HEATR5A: variants seen among roughly 807,000 people sequenced by gnomAD.
HEATR5A encodes HEAT repeat containing 5A.
In HEATR5A, 178 loss-of-function variants were observed where a neutral mutation model predicts 218.8. That is an observed-to-expected ratio of 0.81 (90% CI 0.72 to 0.92). The LOEUF (loss-of-function observed/expected upper bound fraction) is 0.92. HEATR5A is among the 40% of genes least tolerant of loss of function. The probability of loss-of-function intolerance (pLI) is 0.00; values close to 1 mark genes in which losing one functional copy is unlikely to be tolerated. For missense variants in HEATR5A, 2,420 were observed against 2,418.9 expected, an observed-to-expected ratio of 1.00 and a Z score of -0.01; for synonymous variants, 864 against 871.6, an observed-to-expected ratio of 0.99 and a Z score of 0.15.
intron 33 of HEATR5A, among the ~76,000 whole-genome samples, chr14:31,301,830 T>C (rs1378266867): frequency 2.1e-3 from 303 of 146,266 alleles, no homozygotes; most frequent in African/African-American, 7.5e-3. Context: ...TTTTTTTTTT[T>C]TTTTTGAGAC....
intron 30 of HEATR5A, 75 bp from the exon 31 acceptor site, chr14:31,306,954 T>G (rs1899573918): frequency 8.3e-7 from 1 of 1,204,458 alleles, no homozygotes; most frequent in Non-Finnish European, 1.1e-6. Context: ...CAATGCTAAA[T>G]GCCATGACAA....
At chr14:31,329,767 C>T (rs917742370) in intron 22 of HEATR5A, among the ~76,000 whole-genome samples, 1 of 152,180 alleles carries the variant, frequency 6.6e-6, no homozygotes, top group Non-Finnish European at 1.5e-5. Context: ...GTCTAGAGTG[C>T]AATGGCATGG....
At chr14:31,340,448 AC>A (rs1393959462) in intron 21 of HEATR5A, 1 of 1,288,814 alleles carries the variant, frequency 7.8e-7, no homozygotes, top group East Asian at 5.5e-5. Context: ...TCAGGGACCT[AC>A]CAACACAGAA....
At chr14:31,337,903 T>C (rs2139195187) in intron 21 of HEATR5A, among the ~76,000 whole-genome samples, 1 of 152,322 alleles carries the variant, frequency 6.6e-6, no homozygotes, top group South Asian at 2.1e-4. Context: ...GTAAATAGAC[T>C]TTTAAGAGAA....
Position 31,293,557 on chromosome 14 carries a change from T to A in HEATR5A, c.5889A>T (p.Glu1963Asp). The A allele has an allele frequency of 6.2e-7, 1 of 1,613,648 alleles. No individual in the cohort carries two copies. The highest frequency in any genetic ancestry group is 8.5e-7 in the Non-Finnish European group (1 of 1,179,810). Residue 1963 changes from glutamate to aspartate, a missense_variant, in exon 36 of 36, where the codon GAA (glutamate) becomes GAT (aspartate). By Grantham distance (45) the Glu-to-Asp change is conservative. Transcript: ENST00000543095. The stretch of plus-strand genomic sequence containing the variant: ...TGGAAGTTGCTGATCCCAGAGAATT[T>A]TCATCCAAAAGGAAGGAAATGAGGA... ...LPILISFLLD[E>D]NSLGSATSIM...
Position 31,315,872 on chromosome 14 carries a change from T to C in HEATR5A, c.4116A>G (p.Ser1372=), listed in dbSNP as rs1899896270. ...TTCCAGCCTGTATTTTAGTTAACGATGAAACAAGCAACTGATGAACTCTTC... is the reference window on the plus strand; with the variant it reads ...TTCCAGCCTGTATTTTAGTTAACGACGAAACAAGCAACTGATGAACTCTTC... ...DLRRVHQLLV[S]SLTKIQAGKE... The change falls in exon 27 of 36, where the codon TCA becomes TCG. Residue 1372 remains serine (S), a synonymous_variant. Transcript: ENST00000543095. The C allele has an allele frequency of 3.1e-6, 5 of 1,605,046 alleles. No homozygotes were observed. The highest frequency in any genetic ancestry group is 3.4e-6 in the Non-Finnish European group (4 of 1,175,336).
intron 18 of HEATR5A, among the ~76,000 whole-genome samples, chr14:31,349,191 C>G (rs187467710): frequency 6.6e-6 from 1 of 152,064 alleles, no homozygotes; most frequent in African/African-American, 2.4e-5. Context: ...AGTTCGAGAC[C>G]AGCCTGGCCA....
chr14:31,328,347 G>T (rs776179913), intron 22 of HEATR5A, among the ~76,000 whole-genome samples: 1 of 152,098 alleles, frequency 6.6e-6, no homozygotes, highest in African/African-American at 2.4e-5. Flanking sequence ...TCAGATTAGG[G>T]ATCTAACAAG....
intron 26 of HEATR5A, among the ~76,000 whole-genome samples, chr14:31,316,443 T>C (rs972126777): frequency 4.6e-5 from 7 of 152,116 alleles, no homozygotes; most frequent in Non-Finnish European, 8.8e-5. Context: ...CTGATAATGA[T>C]AGTCAAAAGT....
At chr14:31,392,373 T>C (rs78537906) in intron 6 of HEATR5A, among the ~76,000 whole-genome samples, 39 of 152,330 alleles carry the variant, frequency 2.6e-4, no homozygotes, top group Admixed American at 1.0e-3. Context: ...CTTTCTTTCC[T>C]GCCTTCTCAC....
chr14:31,407,610 A>ATT (rs2031126347), intron 1 of HEATR5A, among the ~76,000 whole-genome samples: 1 of 1,216 alleles, frequency 8.2e-4, no homozygotes, highest in African/African-American at 1.4e-3. Context: ...ATATATATAT[A>ATT]TATATATATA....
chr14:31,412,086 C>T (rs1395565724), intron 1 of HEATR5A, among the ~76,000 whole-genome samples: 1 of 151,984 alleles, frequency 6.6e-6, no homozygotes, highest in African/African-American at 2.4e-5. Flanking sequence ...GAACTCCTGG[C>T]CTCAAGTGAT....
rs2030561393 is a variant in HEATR5A, at chr14:31,394,206, A to G, written c.618T>C (p.Asn206=). 3 of 1,494,472 alleles carry G rather than the reference A, an allele frequency of 2.0e-6. No homozygotes were observed. The highest frequency in any genetic ancestry group is 2.7e-6 in the Non-Finnish European group (3 of 1,130,730). 92.6% of individuals were successfully genotyped at this position (1,494,472 alleles called of 1,614,324 possible). Residue 206 remains asparagine (N), a synonymous_variant, in exon 6 of 36, where the codon AAT becomes AAC. Transcript: ENST00000543095. Reference sequence around the variant, plus strand: ...CCGTACTCCACATAAAGATGGCTTCATTCTGAAGTTCAAGGAGACACTATT... The same window carrying G: ...CCGTACTCCACATAAAGATGGCTTCGTTCTGAAGTTCAAGGAGACACTATT... ...AAAKCLLELQ[N]EAIFMWSTDL...
At chr14:31,359,227 C>A (rs189745970) in intron 14 of HEATR5A, among the ~76,000 whole-genome samples, 170 bp from the exon 15 acceptor site, 19 of 151,190 alleles carry the variant, frequency 1.3e-4, no homozygotes, top group Admixed American at 1.1e-3. Flanking sequence ...ACTGGCTCAA[C>A]TACGTGTTGC....
chr14:31,354,236 T>C (rs1403206271), intron 16 of HEATR5A, among the ~76,000 whole-genome samples: 1 of 152,162 alleles, frequency 6.6e-6, no homozygotes, highest in Non-Finnish European at 1.5e-5. Context: ...TATAACGTCA[T>C]TATTAGATCA....
At chr14:31,302,262 C>T in intron 33 of HEATR5A, 33 bp downstream of exon 33, 1 of 1,469,490 alleles carries the variant, frequency 6.8e-7, no homozygotes, top group Middle Eastern at 1.7e-4. Flanking sequence ...CTTTTTAAGA[C>T]AAACTGAACT....
At chr14:31,320,558 G>T in intron 25 of HEATR5A, 1 of 910,936 alleles carries the variant, frequency 1.1e-6, no homozygotes, top group South Asian at 1.3e-5. Context: ...GGAGAAGGCA[G>T]ACACAGGCCT....
chr14:31,412,874 C>CA (rs1363102579), intron 1 of HEATR5A, among the ~76,000 whole-genome samples: 1 of 151,908 alleles, frequency 6.6e-6, no homozygotes, highest in East Asian at 1.9e-4. Flanking sequence ...AACTCCATCT[C>CA]AAAAAAAATT....
intron 16 of HEATR5A, among the ~76,000 whole-genome samples, chr14:31,353,758 C>G (rs1901314158): frequency 6.6e-6 from 1 of 151,762 alleles, no homozygotes; most frequent in Non-Finnish European, 1.5e-5. Context: ...CAAAAACAAA[C>G]AAGAAAAGTT....
Sources: allele counts gnomAD v4.1 joint callset (sites outside exome capture counted in the v4.1 genomes callset), GRCh38; gene constraint gnomAD v4.1.1; transcripts MANE v1.5; gene names NCBI Gene and HGNC (gene_info 2026-07-23, HGNC 2026-07-21).